GBX1: variants seen among roughly 807,000 people sequenced by gnomAD.
The protein encoded by GBX1 is homeobox protein GBX-1.
A neutral mutation model predicts 22.9 loss-of-function variants in GBX1; 9 were observed. The ratio of observed to expected loss-of-function variants is 0.39; its 90% CI spans 0.24 to 0.69. The LOEUF (loss-of-function observed/expected upper bound fraction) is 0.69. GBX1 is among the 30% of genes least tolerant of loss of function. The pLI is 0.43. For synonymous variants in GBX1, 203 were observed against 227.3 expected, an observed-to-expected ratio of 0.89 and a Z score of 0.96; for missense variants, 494 against 509.2, an observed-to-expected ratio of 0.97 and a Z score of 0.29.
chr7:151,159,482 T>C (rs896700554), intron 1 of GBX1, among the ~76,000 whole-genome samples: 14 of 152,142 alleles, frequency 9.2e-5, no homozygotes, highest in African/African-American at 1.7e-4. Flanking sequence ...CCTCTCAGAC[T>C]CCAGCAATCC....
At position 151,167,326 on chromosome 7, in the gene GBX1, G is replaced by A. The variant is rs958722252; in HGVS notation, c.223C>T (p.Pro75Ser). The A allele has an allele frequency of 2.0e-6, 3 of 1,518,266 alleles. No individual in the cohort carries two copies. The highest frequency in any genetic ancestry group is 2.9e-5 in the African/African-American group (2 of 69,228). The allele number at this position is 1,518,266 out of a possible 1,614,324, so 94.0% of individuals were successfully genotyped here. The change falls in exon 1 of 2, where the codon CCG becomes TCG. Residue 75 changes from proline (P) to serine (S), a missense_variant. Coordinates refer to ENST00000297537, the MANE Select transcript of GBX1 (RefSeq NM_001098834.3). The surrounding 1 kb of genome is among the most constrained non-coding windows in gnomAD (Gnocchi z 5.9). ...PLPAGLPPLA[P>S]LASFAGRLTN... ...AGGCGGCCGGCGAAAGAGGCTAGCG[G>A]GGCGAGGGGCGGGAGGCCAGCGGGC... is the stretch of plus-strand genomic sequence containing the variant.
chr7:151,160,679 C>T (rs1384315056), intron 1 of GBX1, among the ~76,000 whole-genome samples: 1 of 152,206 alleles, frequency 6.6e-6, no homozygotes, highest in Non-Finnish European at 1.5e-5. Context: ...GTAGGCCACT[C>T]CTCTATTGCA....
chr7:151,156,056 A>G (rs1318645120), intron 1 of GBX1, among the ~76,000 whole-genome samples: 1 of 152,104 alleles, frequency 6.6e-6, no homozygotes, highest in African/African-American at 2.4e-5. Context: ...GTCTCATTAG[A>G]TAAATAACCT....
Position 151,151,802 on chromosome 7 carries a change from G to T in GBX1, c.539-2660C>A, listed in dbSNP as rs866416305. Among the ~76,000 whole-genome samples, 8 of 152,212 alleles carry T rather than the reference G, an allele frequency of 5.3e-5. No individual in the cohort carries two copies. In the South Asian group the frequency reaches 1.7e-3, roughly 32 times the overall value. On this transcript the variant is annotated intron_variant, in intron 1 of 1. Transcript: ENST00000297537. ...CCTGGTTCACTGTCATCTTCTAACTGGTTTCCCAGCTTCTGTCCTCCACAC... is the reference window on the plus strand; with the variant it reads ...CCTGGTTCACTGTCATCTTCTAACTTGTTTCCCAGCTTCTGTCCTCCACAC...
intron 1 of GBX1, among the ~76,000 whole-genome samples, chr7:151,152,674 T>A (rs1801093448): frequency 6.6e-6 from 1 of 152,176 alleles, no homozygotes; most frequent in African/African-American, 2.4e-5. Context: ...TGATGATGAT[T>A]GAGATGAGGC....
At chr7:151,158,187 T>C (rs1405860855) in intron 1 of GBX1, among the ~76,000 whole-genome samples, 1 of 152,110 alleles carries the variant, frequency 6.6e-6, no homozygotes, top group Non-Finnish European at 1.5e-5. Context: ...GAGACAATGG[T>C]CACATGACTC....
At chr7:151,159,578 CTA>C (rs1203584457) in intron 1 of GBX1, among the ~76,000 whole-genome samples, 3 of 152,176 alleles carry the variant, frequency 2.0e-5, no homozygotes, top group Non-Finnish European at 2.9e-5. Flanking sequence ...CAAGGTCTCA[CTA>C]TGTTATACCA....
chr7:151,167,432 G>T lies in GBX1; in HGVS notation c.117C>A (p.Gly39=). 6.6e-7 allele frequency: 1 copy of T among 1,516,578 alleles called. No individual in the cohort carries two copies. 93.9% of individuals were successfully genotyped at this position (1,516,578 alleles called of 1,614,324 possible). ...TGGGGTAGCCGGTGTACAGCAAGTG[G>T]CCGGAGCGCGGCGGCGGCGGCCCGA... ...SLIGPPPPRS[G]HLLYTGYPMF... The change falls in exon 1 of 2, where the codon GGC becomes GGA. Residue 39 remains glycine, a synonymous_variant. Transcript: ENST00000297537. This position sits in a 1 kb window ranked among gnomAD's most constrained non-coding sequence, Gnocchi z 5.9.
At position 151,148,902 on chromosome 7, in the gene GBX1, T is replaced by C; in HGVS notation, c.779A>G (p.Lys260Arg). Residue 260 changes from lysine to arginine, a missense_variant, in exon 2 of 2, where the codon AAA (lysine) becomes AGA (arginine). By Grantham distance (26) the Lys-to-Arg change is conservative. Around this residue, in one of 3 missense-constraint regions of GBX1, gnomAD observed 124 missense variants for 152.0 expected, o/e 0.82. Coordinates refer to ENST00000297537, the MANE Select transcript of GBX1 (RefSeq NM_001098834.3). This position sits in a 1 kb window ranked among gnomAD's most constrained non-coding sequence, Gnocchi z 5.1. ...VTAGVTAPGG[K>R]SRRRRTAFTS... ...AAATGCTGTGCGGCGCCGTCGGCTT[T>C]TCCCCCCAGGAGCTGTGACCCCTGC... The C allele has an allele frequency of 1.2e-6, 2 of 1,614,144 alleles. No homozygotes were observed. The highest frequency in any genetic ancestry group is 1.1e-5 in the South Asian group (1 of 91,068).
intron 1 of GBX1, among the ~76,000 whole-genome samples, chr7:151,164,537 G>A (rs1242422116): frequency 6.6e-6 from 1 of 152,184 alleles, no homozygotes; most frequent in Non-Finnish European, 1.5e-5. Context: ...AGAAGCAGCC[G>A]TCACAGATAG....
Position 151,167,493 on chromosome 7 carries a change from C to G in GBX1, c.56G>C (p.Gly19Ala), listed in dbSNP as rs1476295035. ...APGGNGGGGG[G>A]GPGTAFSIDS... ...GATGGAGAAGGCAGTGCCCGGGCCC[C>G]CGCCGCCGCCCCCGCCGTTGCCCCC... is the stretch of plus-strand genomic sequence containing the variant. The change falls in exon 1 of 2, where the codon GGG becomes GCG. Residue 19 changes from glycine (G) to alanine (A), a missense_variant. Coordinates refer to ENST00000297537, the MANE Select transcript of GBX1 (RefSeq NM_001098834.3). The surrounding 1 kb of genome is among the most constrained non-coding windows in gnomAD (Gnocchi z 5.9). The G allele has an allele frequency of 1.3e-6, 2 of 1,486,558 alleles. No individual in the cohort carries two copies. Among genetic ancestry groups the G allele is most frequent in the African/African-American group, 3.0e-5 (2 of 67,480 alleles). 92.1% of individuals were successfully genotyped at this position (1,486,558 alleles called of 1,614,324 possible). A position where few individuals can be genotyped will look rare whatever the true frequency, so the allele number is the denominator to read the frequency against.
intron 1 of GBX1, among the ~76,000 whole-genome samples, chr7:151,160,780 C>A (rs1232751676): frequency 2.0e-5 from 3 of 152,202 alleles, no homozygotes; most frequent in Non-Finnish European, 4.4e-5. Context: ...AAGCTGATAA[C>A]TTTCTCCCAA....
chr7:151,167,330 G>A lies in GBX1; in HGVS notation c.219C>T (p.Leu73=). 1 of 1,513,560 alleles carries A rather than the reference G, an allele frequency of 6.6e-7. No homozygotes were observed. Among genetic ancestry groups the A allele is most frequent in the Middle Eastern group, 1.8e-4 (1 of 5,696 alleles). The allele number at this position is 1,513,560 out of a possible 1,614,324, so 93.8% of individuals were successfully genotyped here. A position where few individuals can be genotyped will look rare whatever the true frequency, so the allele number is the denominator to read the frequency against. The change falls in exon 1 of 2, where the codon CTC becomes CTT. Residue 73 remains leucine, a synonymous_variant. Transcript: ENST00000297537. The surrounding 1 kb of genome is among the most constrained non-coding windows in gnomAD (Gnocchi z 5.9). ...GGCCGGCGAAAGAGGCTAGCGGGGC[G>A]AGGGGCGGGAGGCCAGCGGGCAGCG... ...PAPLPAGLPP[L]APLASFAGRL... is the part of the protein sequence containing the mutation.
chr7:151,161,136 C>A (rs919229831), intron 1 of GBX1, among the ~76,000 whole-genome samples: 2 of 152,162 alleles, frequency 1.3e-5, no homozygotes, highest in African/African-American at 4.8e-5. Context: ...TAACATTTCT[C>A]TCAATGCAAA....
chr7:151,164,613 CA>C (rs1452813230), intron 1 of GBX1, among the ~76,000 whole-genome samples: 1 of 152,120 alleles, frequency 6.6e-6, no homozygotes. Context: ...TACTGTGTCC[CA>C]GCCTCCCCAC....
intron 1 of GBX1, among the ~76,000 whole-genome samples, chr7:151,156,707 G>A (rs534878703): frequency 6.6e-6 from 1 of 152,012 alleles, no homozygotes; most frequent in South Asian, 2.1e-4. Context: ...ATTTTTGGCT[G>A]GGCACGGTGG....
At chr7:151,160,397 T>A (rs1436568867) in intron 1 of GBX1, among the ~76,000 whole-genome samples, 3 of 152,312 alleles carry the variant, frequency 2.0e-5, no homozygotes, top group South Asian at 4.1e-4. Flanking sequence ...GTTTTCTCCA[T>A]TACTTCTATT....
chr7:151,148,684 T>C lies in GBX1; in HGVS notation c.997A>G (p.Arg333Gly). The change falls in exon 2 of 2, where the codon AGA becomes GGA. Residue 333 changes from arginine (R) to glycine (G), a missense_variant. Transcript: ENST00000297537. This position sits in a 1 kb window ranked among gnomAD's most constrained non-coding sequence, Gnocchi z 5.1. ...ATGGGGACAACAATCTTGGGGTTTCTTACGGGCTCCCCAGAACGGCTGCTC... is the reference window on the plus strand; with the variant it reads ...ATGGGGACAACAATCTTGGGGTTTCCTACGGGCTCCCCAGAACGGCTGCTC... ...NVSSRSGEPV[R>G]NPKIVVPIPV... 1 of 1,614,140 alleles carries C rather than the reference T, an allele frequency of 6.2e-7. No individual in the cohort carries two copies. Among genetic ancestry groups the C allele is most frequent in the Non-Finnish European group, 8.5e-7 (1 of 1,180,032 alleles).
intron 1 of GBX1, among the ~76,000 whole-genome samples, chr7:151,164,104 T>A (rs1312540608): frequency 3.3e-5 from 5 of 152,218 alleles, no homozygotes; most frequent in Non-Finnish European, 1.5e-5. Context: ...AATTGGCCTA[T>A]CTACACTATG....
Sources: allele counts gnomAD v4.1 joint callset (sites outside exome capture counted in the v4.1 genomes callset), GRCh38; gene constraint gnomAD v4.1.1; regional missense constraint gnomAD v4.1.1; non-coding constraint Gnocchi (gnomAD v3.1); transcripts MANE v1.5; gene names NCBI Gene and HGNC (gene_info 2026-07-23, HGNC 2026-07-21).